ERC1: variants seen among roughly 807,000 people sequenced by gnomAD.
The protein encoded by ERC1 is ELKS/RAB6-interacting/CAST family member 1.
Under a neutral mutation model 132.0 loss-of-function variants are expected in ERC1, and 56 were observed. That is an observed-to-expected ratio of 0.42 (90% CI 0.34 to 0.53). ERC1 has a LOEUF of 0.53. Ranked by LOEUF, ERC1 falls within the 20% of genes least tolerant of loss-of-function variation. ERC1 has a pLI of 0.03. For missense variants in ERC1, 1,202 were observed against 1,349.9 expected (o/e 0.89, Z 1.72); for synonymous variants, 478 against 476.1 (o/e 1.00, Z -0.05).
chr12:1,386,427 C>T (rs1351724021), intron 16 of ERC1, among the ~76,000 whole-genome samples: 1 of 151,324 alleles, frequency 6.6e-6, no homozygotes, highest in African/African-American at 2.4e-5. Flanking sequence ...GCAGGCAGAT[C>T]ACTTGAGGTC....
At chr12:1,472,657 A>AAT (rs909654584) in intron 18 of ERC1, among the ~76,000 whole-genome samples, 18 of 151,592 alleles carry the variant, frequency 1.2e-4, no homozygotes, top group African/African-American at 4.1e-4. Flanking sequence ...CTCAAAAGAA[A>AAT]AAAAAAAAGA....
intron 1 of ERC1, among the ~76,000 whole-genome samples, chr12:1,014,716 C>A (rs967568398): frequency 6.6e-6 from 1 of 152,018 alleles, no homozygotes; most frequent in African/African-American, 2.4e-5. Flanking sequence ...TTTTGCATGT[C>A]AGATCTATAT....
chr12:1,452,735 T>A (rs1411964026), intron 18 of ERC1, among the ~76,000 whole-genome samples: 2 of 152,342 alleles, frequency 1.3e-5, no homozygotes, highest in East Asian at 3.9e-4. Context: ...TAATTTTTTA[T>A]TAAATGTTAA....
chr12:1,273,476 T>G lies in ERC1; in HGVS notation c.2619+10311T>G, dbSNP rs1259267175. On this transcript the variant is annotated intron_variant, in intron 14 of 18. Transcript: ENST00000360905. ...TACATTTTTCTTCACAAGTGCTTAT[T>G]GGCTTCTGAAACCTCTGTAGTCTTT... Among the ~76,000 whole-genome samples, 3 of 152,238 alleles carry G rather than the reference T, an allele frequency of 2.0e-5. No individual in the cohort carries two copies. The East Asian group carries it at 5.8e-4, about 29-fold the overall frequency.
chr12:990,192 T>G (rs1477996886), upstream of ERC1: 1 of 151,622 alleles, frequency 6.6e-6, no homozygotes, highest in Non-Finnish European at 1.5e-5. Context: ...TAAGCAGGAG[T>G]AAAATGATGG....
At chr12:1,146,521 A>G (rs67825562) in intron 8 of ERC1, among the ~76,000 whole-genome samples, 26,083 of 151,212 alleles carry the variant, frequency 0.17, 3,425 homozygotes, top group African/African-American at 0.36. Flanking sequence ...TATCATCAGC[A>G]AACAATGATA....
chr12:1,392,198 G>C (rs1010644665), intron 16 of ERC1, among the ~76,000 whole-genome samples: 1 of 152,060 alleles, frequency 6.6e-6, no homozygotes, highest in East Asian at 1.9e-4. Flanking sequence ...AAGAAGAAAC[G>C]TCATGGCTGG....
rs544337213 is a variant in ERC1, at chr12:1,349,030, C to G, written c.2781-22803C>G. Among the ~76,000 whole-genome samples, 4 of 152,254 alleles carry G rather than the reference C, an allele frequency of 2.6e-5. No homozygotes were observed. In the South Asian group the frequency reaches 8.3e-4, roughly 32 times the overall value. ...GCTAGACTTCATATTTTCTCCTGTCCCGTGTTCTTATTGTAAAGGAATGTA... is the reference window on the plus strand; with the variant it reads ...GCTAGACTTCATATTTTCTCCTGTCGCGTGTTCTTATTGTAAAGGAATGTA... On this transcript the variant is annotated intron_variant, in intron 15 of 18. Transcript: ENST00000360905.
At chr12:1,488,413 A>C (rs990549881) in intron 18 of ERC1, among the ~76,000 whole-genome samples, 6 of 151,730 alleles carry the variant, frequency 4.0e-5, no homozygotes, top group African/African-American at 1.5e-4. Context: ...CCTATAAGGT[A>C]GGGCACAGGA....
intron 8 of ERC1, among the ~76,000 whole-genome samples, chr12:1,148,201 C>T (rs1034516385): frequency 6.6e-6 from 1 of 152,100 alleles, no homozygotes; most frequent in African/African-American, 2.4e-5. Flanking sequence ...TTGTATTAGT[C>T]CATTTTCACA....
intron 15 of ERC1, among the ~76,000 whole-genome samples, chr12:1,324,056 G>A (rs2082287686): frequency 6.6e-6 from 1 of 152,140 alleles, no homozygotes; most frequent in Admixed American, 6.5e-5. Context: ...TGATGTTCTT[G>A]AACAGTATTT....
intron 2 of ERC1, among the ~76,000 whole-genome samples, chr12:1,075,266 A>G (rs1453944616): frequency 6.6e-6 from 1 of 152,220 alleles, no homozygotes; most frequent in African/African-American, 2.4e-5. Context: ...CCCAAATTTA[A>G]CTATTAATAG....
intron 15 of ERC1, among the ~76,000 whole-genome samples, chr12:1,326,166 GA>G (rs973852565): frequency 1.3e-5 from 2 of 152,120 alleles, no homozygotes; most frequent in African/African-American, 4.8e-5. Flanking sequence ...AAGTAAGGTA[GA>G]AAAATCCTCA....
At chr12:1,131,045 T>G (rs1225772884) in intron 7 of ERC1, among the ~76,000 whole-genome samples, 3 of 152,182 alleles carry the variant, frequency 2.0e-5, no homozygotes, top group Non-Finnish European at 4.4e-5. Flanking sequence ...TAGATACCAG[T>G]CAGATTTAAC....
chr12:1,368,937 G>A (rs12314845), intron 15 of ERC1, among the ~76,000 whole-genome samples: 46,158 of 151,916 alleles, frequency 0.3, 7,226 homozygotes, highest in Middle Eastern at 0.37. Flanking sequence ...AGGAGTATAC[G>A]TTGTAAATGG....
In ERC1 at chr12:1,309,986, C is replaced by T. The variant is rs188592601; in HGVS notation, c.2780+19974C>T. On this transcript the variant is annotated intron_variant, in intron 15 of 18. Transcript: ENST00000360905. The stretch of plus-strand genomic sequence containing the variant: ...GTTTTGAGACAGAGTCTCGTGCTGT[C>T]GCCCAGGCTGGAATGCAATGGTGCG... Among the ~76,000 whole-genome samples the T allele has an allele frequency of 8.1e-4, 122 of 150,918 alleles. 1 individual carries two copies. Among genetic ancestry groups the T allele is most frequent in the African/African-American group, 1.4e-3 (58 of 41,004 alleles).
intron 17 of ERC1, among the ~76,000 whole-genome samples, chr12:1,436,542 A>T (rs1380425296): frequency 6.6e-6 from 1 of 152,134 alleles, no homozygotes; most frequent in Non-Finnish European, 1.5e-5. Context: ...AAATGTGATT[A>T]TGAGGTTATT....
chr12:1,066,758 C>T (rs1314022464), intron 2 of ERC1, among the ~76,000 whole-genome samples: 6 of 149,440 alleles, frequency 4.0e-5, no homozygotes, highest in African/African-American at 1.5e-4. Flanking sequence ...AATTGCTTGA[C>T]GCTGGGAGGT....
At chr12:1,327,080 C>A (rs2082496618) in intron 15 of ERC1, among the ~76,000 whole-genome samples, 1 of 152,048 alleles carries the variant, frequency 6.6e-6, no homozygotes, top group Admixed American at 6.5e-5. Flanking sequence ...AAAATTAACC[C>A]AATTTAACAT....
Sources: gnomAD v4.1 joint callset for allele counts (sites outside exome capture counted in the v4.1 genomes callset) on GRCh38, gnomAD v4.1.1 for gene constraint, MANE v1.5 for transcripts, NCBI Gene and HGNC (gene_info 2026-07-23, HGNC 2026-07-21) for gene names.